KCNQ5: variants seen among roughly 807,000 people sequenced by gnomAD.
The protein encoded by KCNQ5 is potassium voltage-gated channel subfamily Q member 5.
Under a neutral mutation model 98.2 loss-of-function variants are expected in KCNQ5, and 30 were observed. The observed-to-expected ratio is 0.31, with a 90% confidence interval of 0.23 to 0.41. The LOEUF is 0.41. Among genes scored for constraint, KCNQ5 ranks in the 10% least tolerant of loss-of-function variants. The pLI is 1.00. For missense variants in KCNQ5, 835 were observed against 1,182.5 expected (o/e 0.71, Z 4.31); for synonymous variants, 458 against 449.4 (o/e 1.02, Z -0.24).
chr6:72,684,409 T>G (rs1489796211), intron 1 of KCNQ5, among the ~76,000 whole-genome samples: 1 of 152,204 alleles, frequency 6.6e-6, no homozygotes, highest in Non-Finnish European at 1.5e-5. Flanking sequence ...AACTATTTCT[T>G]AACTATTTTG....
chr6:73,141,131 C>T (rs1776688235), intron 10 of KCNQ5, among the ~76,000 whole-genome samples: 1 of 152,188 alleles, frequency 6.6e-6, no homozygotes, highest in South Asian at 2.1e-4. Flanking sequence ...GTTCTGGAAG[C>T]TGGAAGTCCA....
At chr6:73,188,920 T>C (rs1286114520) in intron 11 of KCNQ5, among the ~76,000 whole-genome samples, 1 of 145,442 alleles carries the variant, frequency 6.9e-6, no homozygotes, top group Non-Finnish European at 1.5e-5. Flanking sequence ...GAGGCAGAAA[T>C]TACTACGAGC....
intron 13 of KCNQ5, among the ~76,000 whole-genome samples, chr6:73,193,190 T>G (rs577703247): frequency 2.0e-5 from 3 of 151,914 alleles, no homozygotes; most frequent in African/African-American, 7.2e-5. Flanking sequence ...CCGGCGAATT[T>G]TTGTATTTTT....
chr6:73,123,539 C>G (rs1775829012), intron 8 of KCNQ5, among the ~76,000 whole-genome samples: 2 of 152,144 alleles, frequency 1.3e-5, no homozygotes. Flanking sequence ...TCCTTACTCT[C>G]TCTTTTCAGG....
At chr6:72,974,228 CACTACA>C (rs1768041462) in intron 1 of KCNQ5, among the ~76,000 whole-genome samples, 1 of 152,184 alleles carries the variant, frequency 6.6e-6, no homozygotes, top group South Asian at 2.1e-4. Context: ...GCTGCTTTTG[CACTACA>C]ACTGCAGTGC....
intron 1 of KCNQ5, among the ~76,000 whole-genome samples, chr6:72,846,107 C>T (rs1777006584): frequency 1.3e-5 from 2 of 151,888 alleles, no homozygotes; most frequent in Admixed American, 6.6e-5. Flanking sequence ...GTTAAGTGTC[C>T]CAAGAATGAA....
At chr6:72,854,525 A>G (rs937951347) in intron 1 of KCNQ5, among the ~76,000 whole-genome samples, 1 of 151,842 alleles carries the variant, frequency 6.6e-6, no homozygotes. Context: ...AAAATAATCC[A>G]AAAAAGTTTA....
intron 1 of KCNQ5, among the ~76,000 whole-genome samples, chr6:72,677,681 A>T (rs767925490): frequency 4.6e-5 from 7 of 152,238 alleles, no homozygotes; most frequent in African/African-American, 1.4e-4. Context: ...GACACCTAAC[A>T]CAATACTAAG....
rs188147888 is a variant in KCNQ5, at chr6:72,906,128, G to A, written c.399-97780G>A. Among the ~76,000 whole-genome samples, 223 of 152,210 alleles carry A rather than the reference G, an allele frequency of 1.5e-3. 1 individual carries two copies. Among genetic ancestry groups the A allele is most frequent in the African/African-American group, 5.2e-3 (217 of 41,514 alleles). On this transcript the variant is annotated intron_variant, in intron 1 of 13. Transcript: ENST00000370398. Reference sequence around the variant, plus strand: ...CAGGTTAATAGAGTTATGTAGGTAGGAGGATTATGGCTGCCACTGCTGAGT... The same window carrying A: ...CAGGTTAATAGAGTTATGTAGGTAGAAGGATTATGGCTGCCACTGCTGAGT...
intron 1 of KCNQ5, among the ~76,000 whole-genome samples, chr6:72,697,097 G>T (rs905909635): frequency 6.6e-6 from 1 of 152,140 alleles, no homozygotes; most frequent in Non-Finnish European, 1.5e-5. Context: ...AAACTGTTAA[G>T]CTATAAATCA....
intron 1 of KCNQ5, among the ~76,000 whole-genome samples, chr6:72,767,517 G>C (rs1327042220): frequency 2.0e-5 from 3 of 151,860 alleles, no homozygotes; most frequent in Non-Finnish European, 4.4e-5. Context: ...AAATTTTTGT[G>C]CTTCAAAAGA....
intron 1 of KCNQ5, among the ~76,000 whole-genome samples, chr6:72,703,373 A>G (rs1174456380): frequency 6.6e-6 from 1 of 152,186 alleles, no homozygotes; most frequent in Non-Finnish European, 1.5e-5. Context: ...CAATGAGCCC[A>G]CGTCCTGGCA....
chr6:73,123,569 A>G (rs1432052430), intron 8 of KCNQ5, among the ~76,000 whole-genome samples: 1 of 152,148 alleles, frequency 6.6e-6, no homozygotes, highest in Non-Finnish European at 1.5e-5. Context: ...TCTCTTACAT[A>G]CACTCTAGAG....
chr6:72,969,978 T>G (rs544034942), intron 1 of KCNQ5, among the ~76,000 whole-genome samples: 4 of 152,084 alleles, frequency 2.6e-5, no homozygotes, highest in Admixed American at 2.6e-4. Flanking sequence ...AATATTCCCA[T>G]TGGGTGCAGG....
chr6:73,034,873 T>C (rs1444123103), intron 2 of KCNQ5, among the ~76,000 whole-genome samples: 1 of 141,276 alleles, frequency 7.1e-6, no homozygotes, highest in African/African-American at 2.6e-5. Context: ...TGAGACAGTA[T>C]CTCGCTCTGT....
intron 1 of KCNQ5, among the ~76,000 whole-genome samples, chr6:72,839,194 T>A (rs1776674918): frequency 6.6e-6 from 1 of 152,202 alleles, no homozygotes; most frequent in Non-Finnish European, 1.5e-5. Context: ...GTGTGAAAAT[T>A]ATTTAGAAAT....
intron 1 of KCNQ5, among the ~76,000 whole-genome samples, chr6:72,782,330 A>G (rs1173477364): frequency 6.6e-6 from 1 of 152,212 alleles, no homozygotes; most frequent in East Asian, 1.9e-4. Context: ...GAGCAGTTCT[A>G]TGCAGAGCAT....
At chr6:72,741,962 C>G (rs571708713) in intron 1 of KCNQ5, among the ~76,000 whole-genome samples, 1 of 152,224 alleles carries the variant, frequency 6.6e-6, no homozygotes, top group Non-Finnish European at 1.5e-5. Context: ...CACTTAATAC[C>G]AGATGGTTAA....
At position 73,195,633 on chromosome 6, in the gene KCNQ5, A is replaced by G. The variant is rs1765766808; in HGVS notation, c.*219A>G. The G allele has an allele frequency of 1.8e-6, 1 of 558,264 alleles. No individual in the cohort carries two copies. The highest frequency in any genetic ancestry group is 3.2e-5 in the Admixed American group (1 of 31,434). 34.6% of individuals were successfully genotyped at this position (558,264 alleles called of 1,614,324 possible). ...CATTAACCCACTCATTTAGTAATGT[A>G]CCTTGAGTTAAAAAGCCTGAGAAAC... On this transcript the variant is annotated 3_prime_UTR_variant, in exon 14 of 14. Transcript: ENST00000370398.
Sources: allele counts gnomAD v4.1 joint callset (sites outside exome capture counted in the v4.1 genomes callset), GRCh38; gene constraint gnomAD v4.1.1; transcripts MANE v1.5; gene names NCBI Gene and HGNC (gene_info 2026-07-23, HGNC 2026-07-21).